Variants in DIP2C observed in about 807,000 individuals in gnomAD.
DIP2C encodes the protein DIP2 acetate--CoA ligase C (putative), also known as disco-interacting protein 2 homolog C.
Under a neutral mutation model 192.4 loss-of-function variants are expected in DIP2C, and 33 were observed. The ratio of observed to expected loss-of-function variants is 0.17; its 90% CI spans 0.13 to 0.23. The LOEUF is 0.23. Ranked by LOEUF, DIP2C falls within the 10% of genes least tolerant of loss-of-function variation. The probability of loss-of-function intolerance (pLI) is 1.00; values close to 1 mark genes in which losing one functional copy is unlikely to be tolerated. For synonymous variants in DIP2C, 979 were observed against 864.1 expected (o/e 1.13, Z -2.33); for missense variants, 1,537 against 2,110.1 (o/e 0.73, Z 5.32).
chr10:525,555 A>G (rs770964533), intron 1 of DIP2C, among the ~76,000 whole-genome samples: 9 of 152,238 alleles, frequency 5.9e-5, no homozygotes, highest in Non-Finnish European at 1.3e-4. Flanking sequence ...TGGAACAAAG[A>G]AGATTCTGAA....
intron 2 of DIP2C, among the ~76,000 whole-genome samples, chr10:479,329 T>C (rs894634597): frequency 6.2e-4 from 19 of 30,730 alleles, no homozygotes; most frequent in South Asian, 1.4e-3. Flanking sequence ...CTCACACTGC[T>C]TTTTTTTTTT....
At chr10:607,934 C>CA (rs1204692749) in intron 1 of DIP2C, among the ~76,000 whole-genome samples, 1 of 151,812 alleles carries the variant, frequency 6.6e-6, no homozygotes, top group Non-Finnish European at 1.5e-5. Flanking sequence ...CACAGCCCCT[C>CA]AGTGTGGGTC....
At chr10:559,655 T>C (rs1849093056) in intron 1 of DIP2C, among the ~76,000 whole-genome samples, 1 of 152,212 alleles carries the variant, frequency 6.6e-6, no homozygotes, top group African/African-American at 2.4e-5. Context: ...GCTCAGGTTC[T>C]TCCAGGTAAG....
intron 1 of DIP2C, among the ~76,000 whole-genome samples, chr10:673,826 G>GT (rs1385855355): frequency 6.6e-6 from 1 of 152,218 alleles, no homozygotes; most frequent in East Asian, 1.9e-4. Flanking sequence ...CCTGCCCCAG[G>GT]TGCGTGGCTA....
intron 1 of DIP2C, among the ~76,000 whole-genome samples, chr10:605,461 T>C (rs1852392742): frequency 1.3e-5 from 2 of 152,234 alleles, no homozygotes; most frequent in South Asian, 4.1e-4. Context: ...CCACAACAAA[T>C]AAGATCAACT....
intron 28 of DIP2C, 101 bp from the exon 29 acceptor site, chr10:341,430 C>T (rs568679493): frequency 4.7e-5 from 72 of 1,520,188 alleles, no homozygotes; most frequent in Non-Finnish European, 5.5e-5. Flanking sequence ...TTGAACGCAT[C>T]GGACCTGACA....
At position 482,205 on chromosome 10, in the gene DIP2C, G is replaced by A. The variant is rs188863515; in HGVS notation, c.157+4254C>T. Among the ~76,000 whole-genome samples the A allele has an allele frequency of 2.2e-3, 334 of 152,316 alleles. 2 individuals are homozygous for A. The highest frequency in any genetic ancestry group is 0.01 in the Middle Eastern group (3 of 294). ...CATGGCTGTCGGGAGGGACAGCGGCGTGGCCATCGGGAGCCCTGGTAGCAG... is the reference window on the plus strand; with the variant it reads ...CATGGCTGTCGGGAGGGACAGCGGCATGGCCATCGGGAGCCCTGGTAGCAG... On this transcript the variant is annotated intron_variant, in intron 2 of 36. Transcript: ENST00000280886.
chr10:378,802 TAAAG>T (rs1195134331), intron 17 of DIP2C, among the ~76,000 whole-genome samples: 3 of 115,304 alleles, frequency 2.6e-5, no homozygotes, highest in Admixed American at 1.8e-4. Context: ...TGGACATGCA[TAAAG>T]ACACAAATGA....
At chr10:611,140 C>T (rs568988161) in intron 1 of DIP2C, among the ~76,000 whole-genome samples, 8 of 152,256 alleles carry the variant, frequency 5.3e-5, no homozygotes, top group Non-Finnish European at 1.0e-4. Flanking sequence ...ATCCCAAGTG[C>T]TGTCTCATGA....
At chr10:446,414 C>T (rs1241764543) in intron 3 of DIP2C, among the ~76,000 whole-genome samples, 2 of 152,224 alleles carry the variant, frequency 1.3e-5, no homozygotes, top group Non-Finnish European at 2.9e-5. Context: ...GTCCACTGGG[C>T]ATCTGTATAC....
intron 1 of DIP2C, among the ~76,000 whole-genome samples, chr10:511,825 A>T (rs1009862013): frequency 6.6e-6 from 1 of 152,262 alleles, no homozygotes; most frequent in African/African-American, 2.4e-5. Flanking sequence ...GGACTTCATT[A>T]TTAGTTTTTC....
Position 384,144 on chromosome 10 carries a change from T to C in DIP2C, c.1759A>G (p.Lys587Glu). 1 of 1,609,370 alleles carries C rather than the reference T, an allele frequency of 6.2e-7. No homozygotes were observed. Among genetic ancestry groups the C allele is most frequent in the Non-Finnish European group, 8.5e-7 (1 of 1,179,042 alleles). ...TCCCTCGATTTCACACACGCCACTT[T>C]TGCTAAAAAGAAAAATAGAAATAAG... ...WIQKVCQYKA[K>E]VACVKSRDMH... Residue 587 changes from lysine to glutamate, a missense_variant and splice_region_variant, in exon 16 of 37, where the codon AAA becomes GAA. Physicochemically the swap from Lys to Glu is moderately conservative, Grantham distance 56. Around this residue, in one of 4 missense-constraint regions of DIP2C, gnomAD observed 677 missense variants for 989.9 expected, o/e 0.68. Transcript: ENST00000280886.
chr10:415,943 A>T (rs2133110448), intron 6 of DIP2C, 55 bp from the exon 7 acceptor site: 2 of 1,609,526 alleles, frequency 1.2e-6, no homozygotes, highest in Non-Finnish European at 1.7e-6. Flanking sequence ...TTCAATGAGC[A>T]CCCACAGTCC....
chr10:385,907 G>A (rs78598568), intron 14 of DIP2C, among the ~76,000 whole-genome samples: 9 of 152,160 alleles, frequency 5.9e-5, no homozygotes, highest in East Asian at 5.8e-4. Flanking sequence ...CCGACTCCCC[G>A]CCACTCTGCT....
chr10:493,815 T>C (rs950753737), intron 1 of DIP2C, among the ~76,000 whole-genome samples: 1 of 152,200 alleles, frequency 6.6e-6, no homozygotes, highest in African/African-American at 2.4e-5. Flanking sequence ...AGCACTATCA[T>C]CCTTGTTTCA....
At chr10:415,202 C>G (rs999734182) in intron 7 of DIP2C, among the ~76,000 whole-genome samples, 2 of 152,160 alleles carry the variant, frequency 1.3e-5, no homozygotes. Context: ...CTGGAACAGA[C>G]TTGTCTGTCA....
At chr10:643,009 G>C (rs775150370) in intron 1 of DIP2C, among the ~76,000 whole-genome samples, 44 of 148,338 alleles carry the variant, frequency 3.0e-4, no homozygotes, top group Non-Finnish European at 4.7e-4. Flanking sequence ...TTTAAGACCA[G>C]CCAGACCAAC....
chr10:288,427 A>T lies in DIP2C; in HGVS notation c.3987-6T>A, dbSNP rs1406115236. 2 of 1,613,872 alleles carry T rather than the reference A, an allele frequency of 1.2e-6. No homozygotes were observed. Among genetic ancestry groups the T allele is most frequent in the African/African-American group, 2.7e-5 (2 of 74,910 alleles). On this transcript the variant is annotated splice_polypyrimidine_tract_variant and splice_region_variant and intron_variant, in intron 32 of 36. Transcript: ENST00000280886. ...CTCTTTCCACTAAGCGGACTCTGCA[A>T]ACAGAAAGAGAAAATATTCCTAGAT...
rs564633849 is a variant in DIP2C, at chr10:296,990, A to T, written c.3987-8569T>A. On this transcript the variant is annotated intron_variant, in intron 32 of 36. Transcript: ENST00000280886. ...CAACGTGGCACATGTATACATATGT[A>T]ACAAACCTGCACGTTGTGCACATGT... Among the ~76,000 whole-genome samples, 8 of 152,076 alleles carry T rather than the reference A, an allele frequency of 5.3e-5. 1 individual carries two copies. In the South Asian group the frequency reaches 1.2e-3, roughly 24 times the overall value.
Sources: allele counts gnomAD v4.1 joint callset (sites outside exome capture counted in the v4.1 genomes callset), GRCh38; gene constraint gnomAD v4.1.1; regional missense constraint gnomAD v4.1.1; transcripts MANE v1.5; gene names NCBI Gene and HGNC (gene_info 2026-07-23, HGNC 2026-07-21).